Variants in UMAD1 observed in about 807,000 individuals in gnomAD.
UMAD1 encodes UBAP1-MVB12-associated (UMA)-domain containing protein 1.
A neutral mutation model predicts 6.1 loss-of-function variants in UMAD1; 8 were observed. That is an observed-to-expected ratio of 1.30 (90% CI 0.76 to 2.35). The LOEUF is 2.35. Among genes scored for constraint, UMAD1 ranks in the 30% most tolerant of loss-of-function variants. The probability of loss-of-function intolerance (pLI) is 0.00; values close to 1 mark genes in which losing one functional copy is unlikely to be tolerated. For missense variants in UMAD1, 130 were observed against 78.4 expected, an observed-to-expected ratio of 1.66 and a Z score of -2.49; for synonymous variants, 56 against 31.4, an observed-to-expected ratio of 1.78 and a Z score of -2.61.
chr7:7,811,471 A>G (rs1300714507), intron 3 of UMAD1, among the ~76,000 whole-genome samples: 3 of 152,166 alleles, frequency 2.0e-5, no homozygotes, highest in African/African-American at 4.8e-5. Flanking sequence ...ACAAAATAGA[A>G]AGTGCACTTT....
chr7:7,672,380 G>T (rs1779628624), intron 1 of UMAD1, among the ~76,000 whole-genome samples: 1 of 152,128 alleles, frequency 6.6e-6, no homozygotes, highest in Non-Finnish European at 1.5e-5. Flanking sequence ...GTGCGTGTGA[G>T]CATGTGTGTA....
At chr7:7,698,900 A>G (rs376971327) in intron 2 of UMAD1, among the ~76,000 whole-genome samples, 1 of 134,976 alleles carries the variant, frequency 7.4e-6, no homozygotes, top group East Asian at 2.1e-4. Flanking sequence ...AGACAGTCTC[A>G]CCCTGTTGCC....
chr7:7,840,800 A>G (rs879571344), intron 3 of UMAD1, among the ~76,000 whole-genome samples: 8 of 152,186 alleles, frequency 5.3e-5, no homozygotes, highest in African/African-American at 1.2e-4. Context: ...ATCATCAAGG[A>G]AAGTTCCTAA....
At chr7:7,643,709 C>T in intron 1 of UMAD1, among the ~76,000 whole-genome samples, 1 of 104,856 alleles carries the variant, frequency 9.5e-6, no homozygotes, top group South Asian at 2.7e-4. Flanking sequence ...GAGACTCCCT[C>T]TCAAAAAAAA....
chr7:7,831,036 A>G (rs1484488351), intron 3 of UMAD1, among the ~76,000 whole-genome samples: 2 of 152,202 alleles, frequency 1.3e-5, no homozygotes, highest in African/African-American at 4.8e-5. Context: ...AGAAGATAAT[A>G]TTACAACAAA....
intron 3 of UMAD1, among the ~76,000 whole-genome samples, chr7:7,807,221 G>T (rs1167974019): frequency 6.6e-6 from 1 of 152,128 alleles, no homozygotes; most frequent in Non-Finnish European, 1.5e-5. Context: ...GAAGGATATT[G>T]TCTGGGGGAG....
At chr7:7,738,218 A>G (rs140125773) in intron 2 of UMAD1, among the ~76,000 whole-genome samples, 283 of 152,334 alleles carry the variant, frequency 1.9e-3, no homozygotes, top group African/African-American at 6.5e-3. Flanking sequence ...AGAATTTAGT[A>G]TATTTTGTAA....
At chr7:7,848,595 T>C (rs188651066) in intron 3 of UMAD1, among the ~76,000 whole-genome samples, 3 of 152,268 alleles carry the variant, frequency 2.0e-5, no homozygotes. Flanking sequence ...AAATGTTTGC[T>C]TGAAAAAGTT....
intron 3 of UMAD1, among the ~76,000 whole-genome samples, chr7:7,873,890 C>A (rs377345515): frequency 6.6e-6 from 1 of 152,174 alleles, no homozygotes; most frequent in Admixed American, 6.5e-5. Context: ...TCATTTACAT[C>A]GTAACACCTA....
chr7:7,741,039 C>A (rs1232244311), intron 2 of UMAD1: 1 of 152,066 alleles, frequency 6.6e-6, no homozygotes, highest in East Asian at 1.9e-4. Flanking sequence ...CAAAGCCTGA[C>A]TTTTAGACTT....
intron 3 of UMAD1, among the ~76,000 whole-genome samples, chr7:7,831,572 A>G (rs143892583): frequency 9.4e-4 from 143 of 152,262 alleles, no homozygotes; most frequent in African/African-American, 3.2e-3. Context: ...TTTGTTGATT[A>G]CGTGAACCAA....
chr7:7,690,080 C>A (rs2108003), intron 2 of UMAD1, among the ~76,000 whole-genome samples: 2 of 151,958 alleles, frequency 1.3e-5, no homozygotes, highest in East Asian at 1.9e-4. Flanking sequence ...TTTTCCCACC[C>A]ATTTGATTTT....
rs189374752 is a variant in UMAD1, at chr7:7,787,200, A to G, written c.83-14470A>G. On this transcript the variant is annotated intron_variant, in intron 2 of 3. Transcript: ENST00000682710. ...GAATATCTAATTTATGAAACCAAGC[A>G]GTACTGTGGAATTTGTTGGTAATTA... is the stretch of plus-strand genomic sequence containing the variant. Among the ~76,000 whole-genome samples the G allele has an allele frequency of 1.1e-3, 167 of 152,340 alleles. 1 individual carries two copies. The highest frequency in any genetic ancestry group is 1.6e-3 in the Non-Finnish European group (107 of 68,022).
intron 2 of UMAD1, among the ~76,000 whole-genome samples, chr7:7,773,050 T>G (rs1403886348): frequency 1.3e-5 from 2 of 152,240 alleles, no homozygotes; most frequent in African/African-American, 4.8e-5. Context: ...TGCTCTGCTA[T>G]AGAATAATTG....
intron 3 of UMAD1, among the ~76,000 whole-genome samples, chr7:7,841,247 C>G (rs1242280894): frequency 1.3e-5 from 2 of 151,926 alleles, no homozygotes; most frequent in African/African-American, 4.8e-5. Context: ...TTAGTGACTC[C>G]CGAAGATGTG....
Position 7,713,386 on chromosome 7 carries a change from T to C in UMAD1, c.82+39933T>C, listed in dbSNP as rs1026100912. 4.6e-5 allele frequency among the ~76,000 whole-genome samples: 7 copies of C among 151,198 alleles called. 1 individual carries two copies. The South Asian group carries it at 1.0e-3, about 23-fold the overall frequency. On this transcript the variant is annotated intron_variant, in intron 2 of 3. Coordinates refer to ENST00000682710, the MANE Select transcript of UMAD1 (RefSeq NM_001302348.2). ...AAACAAACAAACAAACAAATCTAAG[T>C]TTATAGACAGAGTTTTTTTTTTTTT...
intron 3 of UMAD1, among the ~76,000 whole-genome samples, chr7:7,847,657 C>G (rs1783830651): frequency 6.6e-6 from 1 of 152,086 alleles, no homozygotes; most frequent in Non-Finnish European, 1.5e-5. Context: ...AAGTTCCACA[C>G]TGGACTGTAA....
At chr7:7,753,780 G>C (rs1339576629) in intron 2 of UMAD1, among the ~76,000 whole-genome samples, 1 of 152,044 alleles carries the variant, frequency 6.6e-6, no homozygotes, top group Non-Finnish European at 1.5e-5. Flanking sequence ...CTTTCCTTTG[G>C]GTATATACCC....
intron 1 of UMAD1, among the ~76,000 whole-genome samples, chr7:7,658,231 A>C (rs948059218): frequency 5.3e-5 from 8 of 151,812 alleles, no homozygotes; most frequent in African/African-American, 1.9e-4. Context: ...GGGGTTTTCT[A>C]AATATACAAT....
Sources: gnomAD v4.1 joint callset for allele counts (sites outside exome capture counted in the v4.1 genomes callset) on GRCh38, gnomAD v4.1.1 for gene constraint, MANE v1.5 for transcripts, NCBI Gene and HGNC (gene_info 2026-07-23, HGNC 2026-07-21) for gene names.